SLAIN2: variants seen among roughly 807,000 people sequenced by gnomAD.
SLAIN2 encodes SLAIN family member 2.
In SLAIN2, 31 loss-of-function variants were observed where a neutral mutation model predicts 56.6. The observed-to-expected ratio is 0.55, with a 90% confidence interval of 0.41 to 0.74. SLAIN2 has a LOEUF of 0.74. Among genes scored for constraint, SLAIN2 ranks in the 30% least tolerant of loss-of-function variants. SLAIN2 has a pLI of 0.00. For synonymous variants in SLAIN2, 317 were observed against 284.9 expected (o/e 1.11, Z -1.13); for missense variants, 777 against 754.2 (o/e 1.03, Z -0.35).
chr4:48,381,549 C>G (rs1447613178), intron 4 of SLAIN2, among the ~76,000 whole-genome samples: 1 of 152,158 alleles, frequency 6.6e-6, no homozygotes, highest in Non-Finnish European at 1.5e-5. Flanking sequence ...ACTTTAGTGC[C>G]ATGTTGGCTA....
intron 2 of SLAIN2, among the ~76,000 whole-genome samples, chr4:48,376,283 G>A (rs1376899790): frequency 1.3e-5 from 2 of 151,954 alleles, no homozygotes; most frequent in Non-Finnish European, 2.9e-5. Flanking sequence ...GCAAAACCTT[G>A]TCTCTACTAA....
At chr4:48,374,130 T>C (rs1200002289) in intron 2 of SLAIN2, among the ~76,000 whole-genome samples, 2 of 152,120 alleles carry the variant, frequency 1.3e-5, no homozygotes, top group African/African-American at 4.8e-5. Flanking sequence ...TACGAAGAAG[T>C]TGCTGGAGAA....
chr4:48,342,269 T>A, intron 1 of SLAIN2, 141 bp downstream of exon 1: 1 of 1,113,416 alleles, frequency 9.0e-7, no homozygotes, highest in Non-Finnish European at 1.2e-6. Flanking sequence ...TTTCTTGCTT[T>A]GGCAGAGGGA....
chr4:48,401,357 T>TTAGAG (rs1716550986), intron 6 of SLAIN2, among the ~76,000 whole-genome samples: 2 of 152,348 alleles, frequency 1.3e-5, no homozygotes, highest in South Asian at 4.1e-4. Flanking sequence ...ATGTTCTGTC[T>TTAGAG]AATATTGTCA....
At chr4:48,398,360 A>T (rs2109774854) in intron 6 of SLAIN2, among the ~76,000 whole-genome samples, 1 of 151,860 alleles carries the variant, frequency 6.6e-6, no homozygotes, top group Admixed American at 6.6e-5. Context: ...TTTTCTTGTA[A>T]ATTTGTTTCA....
At chr4:48,361,649 T>C (rs1159670727) in intron 1 of SLAIN2, among the ~76,000 whole-genome samples, 2 of 152,208 alleles carry the variant, frequency 1.3e-5, no homozygotes, top group South Asian at 2.1e-4. Flanking sequence ...AATTGTTTTA[T>C]CCGTTCTTTG....
At position 48,377,985 on chromosome 4, in the gene SLAIN2, A is replaced by T. The variant is rs754748162; in HGVS notation, c.628A>T (p.Ser210Cys). ...TCCAAATGCCAGTAGCCCATACAGC[A>T]GTGGCTTCAATTCTCCATCCTCAAC... ...YSPNASSPYS[S>C]GFNSPSSTPV... Residue 210 changes from serine (S) to cysteine (C), a missense_variant, in exon 3 of 8, where the codon AGT (serine) becomes TGT (cysteine). Coordinates refer to ENST00000264313, the MANE Select transcript of SLAIN2 (RefSeq NM_020846.2). The T allele has an allele frequency of 6.2e-7, 1 of 1,613,984 alleles. No individual in the cohort carries two copies. The highest frequency in any genetic ancestry group is 1.1e-5 in the South Asian group (1 of 91,092).
chr4:48,383,280 TAAATC>T (rs2109763404), intron 5 of SLAIN2, among the ~76,000 whole-genome samples: 1 of 152,194 alleles, frequency 6.6e-6, no homozygotes, highest in South Asian at 2.1e-4. Context: ...TTCAGATAAG[TAAATC>T]AAGAGTGTAG....
At chr4:48,397,668 G>T (rs1485329909) in intron 6 of SLAIN2, among the ~76,000 whole-genome samples, 1 of 151,958 alleles carries the variant, frequency 6.6e-6, no homozygotes, top group African/African-American at 2.4e-5. Context: ...TTCCCCCGCC[G>T]CCCCTGACAG....
intron 1 of SLAIN2, among the ~76,000 whole-genome samples, chr4:48,362,068 G>A (rs1288124985): frequency 6.6e-6 from 1 of 150,840 alleles, no homozygotes; most frequent in Non-Finnish European, 1.5e-5. Flanking sequence ...TTTTATAATG[G>A]ATTTTCTATA....
At chr4:48,394,927 A>G (rs1180071867) in intron 6 of SLAIN2, among the ~76,000 whole-genome samples, 2 of 152,222 alleles carry the variant, frequency 1.3e-5, no homozygotes, top group East Asian at 1.9e-4. Context: ...CATCATTTCA[A>G]CTTTTTGCCA....
intron 6 of SLAIN2, among the ~76,000 whole-genome samples, chr4:48,406,518 T>G (rs560709926): frequency 0.025 from 3,033 of 123,424 alleles, 99 homozygotes; most frequent in Admixed American, 0.12. Flanking sequence ...GGTTATGCTC[T>G]CTCTCTCTTT....
chr4:48,404,886 C>T (rs1048038999), intron 6 of SLAIN2, among the ~76,000 whole-genome samples: 4 of 152,080 alleles, frequency 2.6e-5, no homozygotes, highest in South Asian at 2.1e-4. Context: ...ATGCTGCTGC[C>T]GTGAAACATT....
intron 6 of SLAIN2, among the ~76,000 whole-genome samples, chr4:48,389,921 T>C (rs772038833): frequency 3.3e-5 from 5 of 152,072 alleles, no homozygotes; most frequent in Non-Finnish European, 5.9e-5. Flanking sequence ...CTTAGGAAGT[T>C]CACTCTGATA....
chr4:48,391,894 A>T (rs1463756697), intron 6 of SLAIN2, among the ~76,000 whole-genome samples: 1 of 152,234 alleles, frequency 6.6e-6, no homozygotes, highest in Non-Finnish European at 1.5e-5. Flanking sequence ...GGAGGAAGAC[A>T]TTATACTGGT....
intron 1 of SLAIN2, among the ~76,000 whole-genome samples, chr4:48,344,811 C>T (rs1714819766): frequency 6.6e-6 from 1 of 151,832 alleles, no homozygotes; most frequent in South Asian, 2.1e-4. Context: ...ACTTTTACTA[C>T]AAGTGGTATG....
In SLAIN2 at chr4:48,426,163, G is replaced by GA. The variant is rs1366078379; in HGVS notation, c.*4090dup. On this transcript the variant is annotated 3_prime_UTR_variant, in exon 8 of 8. Coordinates refer to ENST00000264313, the MANE Select transcript of SLAIN2 (RefSeq NM_020846.2). ...TAGAAGGTCTTTTTTTTTTTAAGGA[G>GA]AAAATGTTTCTTTTAAATAAATGTT... 6.6e-6 allele frequency: 1 copy of GA among 151,520 alleles called. No homozygotes were observed. The highest frequency in any genetic ancestry group is 2.4e-5 in the African/African-American group (1 of 41,284). 9.4% of individuals were successfully genotyped at this position (151,520 alleles called of 1,614,324 possible).
At chr4:48,354,554 C>CAGCCCGGGTTCA (rs1415966719) in intron 1 of SLAIN2, among the ~76,000 whole-genome samples, 1 of 151,992 alleles carries the variant, frequency 6.6e-6, no homozygotes, top group Non-Finnish European at 1.5e-5. Context: ...GCAACTTTTG[C>CAGCCCGGGTTCA]AGCCCGGGTT....
intron 6 of SLAIN2, among the ~76,000 whole-genome samples, chr4:48,403,532 A>G (rs1560463594): frequency 6.6e-6 from 1 of 152,002 alleles, no homozygotes; most frequent in Non-Finnish European, 1.5e-5. Context: ...GGTCTGGACC[A>G]TCTGGACTTT....
Sources: gnomAD v4.1 joint callset for allele counts (sites outside exome capture counted in the v4.1 genomes callset) on GRCh38, gnomAD v4.1.1 for gene constraint, MANE v1.5 for transcripts, NCBI Gene and HGNC (gene_info 2026-07-23, HGNC 2026-07-21) for gene names.